ABCC9: variants seen among roughly 807,000 people sequenced by gnomAD.
The protein encoded by ABCC9 is ATP binding cassette subfamily C member 9.
ABCC9 carries 95 observed loss-of-function variants against 188.3 expected under a neutral mutation model. The observed-to-expected ratio is 0.50, with a 90% CI of 0.43 to 0.60. The LOEUF (loss-of-function observed/expected upper bound fraction) is 0.60. Among genes scored for constraint, ABCC9 ranks in the 20% least tolerant of loss-of-function variants. The pLI is 0.00. For missense variants in ABCC9, 1,102 were observed against 1,876.3 expected, an observed-to-expected ratio of 0.59 and a Z score of 7.62; for synonymous variants, 659 against 652.7, an observed-to-expected ratio of 1.01 and a Z score of -0.15.
At chr12:21,834,786 TACACACACAC>T (rs61211269) in intron 30 of ABCC9, among the ~76,000 whole-genome samples, 84 of 141,600 alleles carry the variant, frequency 5.9e-4, no homozygotes, top group African/African-American at 1.8e-3. Context: ...TATAACATTA[TACACACACAC>T]ACACACACAC....
chr12:21,911,261 C>G (rs1357282102), intron 8 of ABCC9, among the ~76,000 whole-genome samples: 1 of 151,670 alleles, frequency 6.6e-6, no homozygotes, highest in Non-Finnish European at 1.5e-5. Context: ...AAATGGTAAG[C>G]AGCAAATAAA....
Position 21,827,108 on chromosome 12 carries a change from G to A in ABCC9, c.3669+1850C>T, listed in dbSNP as rs556237673. 116 of 985,172 alleles carry A rather than the reference G, an allele frequency of 1.2e-4. No individual in the cohort carries two copies. The South Asian group carries it at 4.2e-3, about 36-fold the overall frequency. 61.0% of individuals were successfully genotyped at this position (985,172 alleles called of 1,614,324 possible). A position where few individuals can be genotyped will look rare whatever the true frequency, so the allele number is the denominator to read the frequency against. On this transcript the variant is annotated intron_variant, in intron 31 of 39. Coordinates refer to ENST00000261200, the MANE Select transcript of ABCC9 (RefSeq NM_020297.4). ...TAGACAGGTTCAACTGCTTTTTCACGTGGGGGTTAAAGTATTGGGTTATGA... is the reference window on the plus strand; with the variant it reads ...TAGACAGGTTCAACTGCTTTTTCACATGGGGGTTAAAGTATTGGGTTATGA...
intron 22 of ABCC9, among the ~76,000 whole-genome samples, chr12:21,853,269 G>T (rs1945061125): frequency 6.6e-6 from 1 of 152,076 alleles, no homozygotes; most frequent in Non-Finnish European, 1.5e-5. Flanking sequence ...GGAGGAAGAG[G>T]CAGTGAGCCG....
At chr12:21,834,627 A>ATATATG (rs1025990345) in intron 30 of ABCC9, among the ~76,000 whole-genome samples, 1 of 151,982 alleles carries the variant, frequency 6.6e-6, no homozygotes, top group African/African-American at 2.4e-5. Flanking sequence ...ATCTGGATAT[A>ATATATG]TATATGTATA....
intron 22 of ABCC9, among the ~76,000 whole-genome samples, 156 bp from the exon 23 acceptor site, chr12:21,852,661 C>T (rs1442430116): frequency 6.6e-6 from 1 of 152,082 alleles, no homozygotes; most frequent in African/African-American, 2.4e-5. Flanking sequence ...CTGTCAGGTA[C>T]CATGATTATT....
At chr12:21,879,679 C>T (rs1056561190) in intron 16 of ABCC9, among the ~76,000 whole-genome samples, 1 of 151,758 alleles carries the variant, frequency 6.6e-6, no homozygotes, top group Admixed American at 6.6e-5. Flanking sequence ...TCCATTTTCT[C>T]CTGCTGAAAA....
intron 22 of ABCC9, among the ~76,000 whole-genome samples, chr12:21,855,259 G>A (rs1458840747): frequency 6.6e-6 from 1 of 151,984 alleles, no homozygotes; most frequent in East Asian, 1.9e-4. Flanking sequence ...TCACTCTGTC[G>A]CCCAGGCTGG....
chr12:21,934,073 C>G, intron 3 of ABCC9, 150 bp from the exon 4 acceptor site: 1 of 724,404 alleles, frequency 1.4e-6, no homozygotes, highest in Non-Finnish European at 2.3e-6. Flanking sequence ...AAATCCTAGT[C>G]TATTTTCATT....
chr12:21,821,871 T>C (rs180764127), intron 31 of ABCC9, among the ~76,000 whole-genome samples: 14 of 152,284 alleles, frequency 9.2e-5, no homozygotes, highest in African/African-American at 3.4e-4. Context: ...CAATAAGTTG[T>C]AGTCAATATA....
intron 14 of ABCC9, among the ~76,000 whole-genome samples, chr12:21,888,465 C>T (rs1037079593): frequency 6.6e-6 from 1 of 152,034 alleles, no homozygotes; most frequent in Non-Finnish European, 1.5e-5. Flanking sequence ...TTTTCTGAAC[C>T]TGGCAAGGAG....
rs1162908781 is a variant in ABCC9 at position 21,887,873 on chromosome 12, C to G, written c.1864G>C (p.Gly622Arg). 4 of 1,613,508 alleles carry G rather than the reference C, an allele frequency of 2.5e-6. No individual in the cohort carries two copies. Among genetic ancestry groups the G allele is most frequent in the Non-Finnish European group, 3.4e-6 (4 of 1,179,560 alleles). Residue 622 changes from glycine to arginine, a missense_variant, in exon 15 of 40, where the codon GGT (glycine) becomes CGT (arginine). Transcript: ENST00000261200. ...GACTCAAAAGGAAGCGAACTTTCACCAGTTCGCCAACTGTCGTCACCAATC... is the reference window on the plus strand; with the variant it reads ...GACTCAAAAGGAAGCGAACTTTCACGAGTTCGCCAACTGTCGTCACCAATC... ...DEIGDDSWRT[G>R]ESSLPFESCK... is the part of the protein sequence containing the mutation.
chr12:21,814,054 A>C (rs1210430700), intron 35 of ABCC9, among the ~76,000 whole-genome samples: 1 of 152,156 alleles, frequency 6.6e-6, no homozygotes, highest in African/African-American at 2.4e-5. Flanking sequence ...AAAAAAGATT[A>C]AGTTATTTCT....
At chr12:21,841,720 T>C (rs927150950) in intron 29 of ABCC9, among the ~76,000 whole-genome samples, 1 of 152,040 alleles carries the variant, frequency 6.6e-6, no homozygotes, top group African/African-American at 2.4e-5. Flanking sequence ...AGTGAAAAAT[T>C]TGTCAGTCTT....
chr12:21,798,034 A>G lies in ABCC9; in HGVS notation c.*3010T>C, dbSNP rs1941237420. 6.6e-6 allele frequency: 1 copy of G among 152,214 alleles called. No individual in the cohort carries two copies. Among genetic ancestry groups the G allele is most frequent in the Admixed American group, 6.5e-5 (1 of 15,270 alleles). The allele number at this position is 152,214 out of a possible 1,614,324, so 9.4% of individuals were successfully genotyped here. A position where few individuals can be genotyped will look rare whatever the true frequency, so the allele number is the denominator to read the frequency against. ...TATATGTATAATAAATGGTTAATCA[A>G]TGAAAAACATTATCCTTGACCTTAT... On this transcript the variant is annotated 3_prime_UTR_variant, in exon 40 of 40. Coordinates refer to ENST00000261200, the MANE Select transcript of ABCC9 (RefSeq NM_020297.4).
intron 7 of ABCC9, among the ~76,000 whole-genome samples, chr12:21,915,416 G>A (rs1446331953): frequency 1.5e-5 from 2 of 134,764 alleles, no homozygotes; most frequent in African/African-American, 2.8e-5. Flanking sequence ...ATATAGACAC[G>A]TGTATATATG....
chr12:21,895,988 T>C (rs1326033131), intron 12 of ABCC9, among the ~76,000 whole-genome samples: 2 of 151,886 alleles, frequency 1.3e-5, no homozygotes, highest in South Asian at 2.1e-4. Flanking sequence ...TCATAAACTA[T>C]AGAATTTTAG....
chr12:21,915,962 A>G lies in ABCC9; in HGVS notation c.574-52T>C, dbSNP rs761277524. ...AACAATTAGTCCAATTATTTTCCAC[A>G]TATTAAAAATAAAATTTCAACCTTT... is the stretch of plus-strand genomic sequence containing the variant. On this transcript the variant is annotated intron_variant, in intron 6 of 39. Coordinates refer to ENST00000261200, the MANE Select transcript of ABCC9 (RefSeq NM_020297.4). 6 of 1,549,888 alleles carry G rather than the reference A, an allele frequency of 3.9e-6. No individual in the cohort carries two copies. In the Admixed American group the frequency reaches 9.2e-5, roughly 24 times the overall value.
At chr12:21,836,570 C>T (rs1351200900) in intron 30 of ABCC9, among the ~76,000 whole-genome samples, 1 of 152,120 alleles carries the variant, frequency 6.6e-6, no homozygotes, top group African/African-American at 2.4e-5. Flanking sequence ...GAGTGCTACC[C>T]TGCTCTCTGA....
Position 21,798,306 on chromosome 12 carries a change from A to G in ABCC9, c.*2738T>C, listed in dbSNP as rs958199555. On this transcript the variant is annotated 3_prime_UTR_variant, in exon 40 of 40. Coordinates refer to ENST00000261200, the MANE Select transcript of ABCC9 (RefSeq NM_020297.4). Reference sequence around the variant, plus strand: ...AGTGTAAAAGTGTTCCTATTTCTCCACATCCTCTCCAGCACCTGTTGTTTC... The same window carrying G: ...AGTGTAAAAGTGTTCCTATTTCTCCGCATCCTCTCCAGCACCTGTTGTTTC... The G allele has an allele frequency of 4.6e-5, 7 of 151,872 alleles. No homozygotes were observed. In the Middle Eastern group the frequency reaches 0.01, roughly 221 times the overall value. 9.4% of individuals were successfully genotyped at this position (151,872 alleles called of 1,614,324 possible). A position where few individuals can be genotyped will look rare whatever the true frequency, so the allele number is the denominator to read the frequency against.
Sources: gnomAD v4.1 joint callset for allele counts (sites outside exome capture counted in the v4.1 genomes callset) on GRCh38, gnomAD v4.1.1 for gene constraint, MANE v1.5 for transcripts, NCBI Gene and HGNC (gene_info 2026-07-23, HGNC 2026-07-21) for gene names.